Variants in COQ8A observed in about 807,000 individuals in gnomAD.
The protein encoded by COQ8A is atypical kinase COQ8A, mitochondrial.
COQ8A carries 51 observed loss-of-function variants against 65.0 expected under a neutral mutation model. The ratio of observed to expected loss-of-function variants is 0.78; its 90% CI spans 0.63 to 0.99. The LOEUF (loss-of-function observed/expected upper bound fraction) is 0.99, where lower values mean the gene tolerates loss of function less well. Ranked by LOEUF, COQ8A falls within the 50% of genes least tolerant of loss-of-function variation. COQ8A has a pLI of 0.00. For missense variants in COQ8A, 940 were observed against 875.0 expected, an observed-to-expected ratio of 1.07 and a Z score of -0.94; for synonymous variants, 371 against 353.2, an observed-to-expected ratio of 1.05 and a Z score of -0.57.
At chr1:226,944,486 G>T (rs528823752) in intron 1 of COQ8A, among the ~76,000 whole-genome samples, 214 of 152,114 alleles carry the variant, frequency 1.4e-3, no homozygotes, top group South Asian at 2.5e-3. Flanking sequence ...GGGATGGTCA[G>T]TGTGGGAGGA....
In COQ8A at chr1:226,947,683, C is replaced by T. The variant is rs1461259532; in HGVS notation, c.-10+7284C>T. ...AATTAGCCAGGTGTGGTGGTACCCA[C>T]CTGTAGTCCTAGCTACTCAGGATAA... On this transcript the variant is annotated intron_variant, in intron 1 of 14. Coordinates refer to ENST00000366777, the MANE Select transcript of COQ8A (RefSeq NM_020247.5). Among the ~76,000 whole-genome samples the T allele has an allele frequency of 2.0e-5, 3 of 152,004 alleles. 1 individual carries two copies. The highest frequency in any genetic ancestry group is 4.2e-4 in the South Asian group (2 of 4,808).
rs1463414321 is a variant in COQ8A at position 226,940,797 on chromosome 1, C to T, written c.-10+398C>T. Among the ~76,000 whole-genome samples the T allele has an allele frequency of 2.0e-5, 3 of 152,208 alleles. No homozygotes were observed. In the East Asian group the frequency reaches 5.8e-4, roughly 29 times the overall value. On this transcript the variant is annotated intron_variant, in intron 1 of 14. Transcript: ENST00000366777. ...CTTTCTAATAATGTTGTTCTTCACT[C>T]CCAGACCCCCTTGCACTGTGTGTCT...
chr1:226,943,040 G>A (rs1466446866), intron 1 of COQ8A, among the ~76,000 whole-genome samples: 2 of 152,146 alleles, frequency 1.3e-5, no homozygotes, highest in Admixed American at 6.5e-5. Context: ...TTGATCCTGT[G>A]GGGATGTATC....
Position 226,946,468 on chromosome 1 carries a change from C to T in COQ8A, c.-10+6069C>T, listed in dbSNP as rs966561541. Among the ~76,000 whole-genome samples the T allele has an allele frequency of 2.0e-5, 3 of 152,138 alleles. No individual in the cohort carries two copies. Among genetic ancestry groups the T allele is most frequent in the Non-Finnish European group, 4.4e-5 (3 of 68,028 alleles). ...AGGCATCTAGCGAGAGGTATCGCTG[C>T]AGAGGTGTCTGGGGCTCCACAGTGA... is the stretch of plus-strand genomic sequence containing the variant. On this transcript the variant is annotated intron_variant, in intron 1 of 14. Transcript: ENST00000366777. This position sits in a 1 kb window ranked among gnomAD's most constrained non-coding sequence, Gnocchi z 5.3.
At chr1:226,975,847 T>A (rs1166678494) in intron 4 of COQ8A, among the ~76,000 whole-genome samples, 5 of 152,368 alleles carry the variant, frequency 3.3e-5, no homozygotes, top group South Asian at 2.1e-4. Flanking sequence ...AACATTTTTT[T>A]AAAAATTGAG....
intron 14 of COQ8A, among the ~76,000 whole-genome samples, chr1:226,985,701 G>A (rs1445947961): frequency 6.6e-6 from 1 of 152,192 alleles, no homozygotes. Flanking sequence ...AGAAACCTTA[G>A]AAGCCTTTTA....
chr1:226,967,922 G>A (rs1163065642), intron 4 of COQ8A, among the ~76,000 whole-genome samples: 1 of 152,254 alleles, frequency 6.6e-6, no homozygotes, highest in Non-Finnish European at 1.5e-5. Context: ...GAGAAGCCAG[G>A]TCAGGAAAGA....
At chr1:226,952,054 A>AT (rs1163109399) in intron 1 of COQ8A, among the ~76,000 whole-genome samples, 1 of 152,142 alleles carries the variant, frequency 6.6e-6, no homozygotes, top group East Asian at 1.9e-4. Context: ...GGGGGTAAGC[A>AT]CCCTTTCATT....
At chr1:226,968,940 T>C (rs1193600377) in intron 4 of COQ8A, among the ~76,000 whole-genome samples, 2 of 152,236 alleles carry the variant, frequency 1.3e-5, no homozygotes, top group African/African-American at 2.4e-5. Flanking sequence ...AACTGAACTT[T>C]AGTTCATCAT....
rs936422538 is a variant in COQ8A, at chr1:226,982,459, T to TA, written c.854-214dup. 3.2e-5 allele frequency: 21 copies of TA among 656,620 alleles called. No individual in the cohort carries two copies. The African/African-American group carries it at 3.8e-4, about 12-fold the overall frequency. 40.7% of individuals were successfully genotyped at this position (656,620 alleles called of 1,614,324 possible). ...TATGAAAAACTCTGCATGTTGAGTG[T>TA]AAAAAGCCCACCTTCTCAGGTCACT... On this transcript the variant is annotated intron_variant, in intron 6 of 14. Coordinates refer to ENST00000366777, the MANE Select transcript of COQ8A (RefSeq NM_020247.5).
At chr1:226,960,631 G>GTGCT (rs1658190507) in intron 1 of COQ8A, among the ~76,000 whole-genome samples, 1 of 139,368 alleles carries the variant, frequency 7.2e-6, no homozygotes, top group Non-Finnish European at 1.6e-5. Flanking sequence ...GGTGGTGGTG[G>GTGCT]TGGTGGTGGT....
At chr1:226,953,790 G>A (rs1657527094) in intron 1 of COQ8A, among the ~76,000 whole-genome samples, 1 of 152,192 alleles carries the variant, frequency 6.6e-6, no homozygotes, top group Admixed American at 6.5e-5. Flanking sequence ...GCCGGGAGTT[G>A]CCCGAGATGT....
rs1384015012 is a variant in COQ8A at position 226,972,717 on chromosome 1, T to C, written c.656-4732T>C. ...CCCCCAAACTTTTGTGTCCCTCATCTCAGTGGTAAAATTTAAAACAAACAT... is the reference window on the plus strand; with the variant it reads ...CCCCCAAACTTTTGTGTCCCTCATCCCAGTGGTAAAATTTAAAACAAACAT... On this transcript the variant is annotated intron_variant, in intron 4 of 14. Coordinates refer to ENST00000366777, the MANE Select transcript of COQ8A (RefSeq NM_020247.5). This position sits in a 1 kb window ranked among gnomAD's most constrained non-coding sequence, Gnocchi z 4.3. Among the ~76,000 whole-genome samples, 1 of 152,192 alleles carries C rather than the reference T, an allele frequency of 6.6e-6. No individual in the cohort carries two copies. Among genetic ancestry groups the C allele is most frequent in the Non-Finnish European group, 1.5e-5 (1 of 68,034 alleles).
rs776316274 is a variant in COQ8A at position 226,984,047 on chromosome 1, G to A, written c.1257-47G>A. 124 of 1,608,854 alleles carry A rather than the reference G, an allele frequency of 7.7e-5. No individual in the cohort carries two copies. The East Asian group carries it at 1.4e-3, about 19-fold the overall frequency. ...GGGGGGTGTGTGTGGGGGGGGGGAC[G>A]GTGTGGAGGGCCTGTGGCTAGGGCG... On this transcript the variant is annotated intron_variant, in intron 10 of 14. Coordinates refer to ENST00000366777, the MANE Select transcript of COQ8A (RefSeq NM_020247.5).
chr1:226,986,770 G>T lies in COQ8A; in HGVS notation c.*33G>T. ...GGCCACGCCCAGGCCGGCTCCGCGG[G>T]AACTCTCTCCCTCAGACAGGCCAAA... is the stretch of plus-strand genomic sequence containing the variant. On this transcript the variant is annotated 3_prime_UTR_variant, in exon 15 of 15. Transcript: ENST00000366777. 2 of 1,602,902 alleles carry T rather than the reference G, an allele frequency of 1.2e-6. No individual in the cohort carries two copies. Among genetic ancestry groups the T allele is most frequent in the South Asian group, 1.1e-5 (1 of 90,292 alleles).
intron 5 of COQ8A, among the ~76,000 whole-genome samples, chr1:226,978,910 C>T (rs1659517009): frequency 7.9e-6 from 1 of 125,948 alleles, no homozygotes; most frequent in Non-Finnish European, 1.9e-5. Context: ...GAACACTGCA[C>T]CTCCTTACCC....
At chr1:226,982,830 T>C in intron 7 of COQ8A, 64 bp from the exon 8 acceptor site, 1 of 1,612,750 alleles carries the variant, frequency 6.2e-7, no homozygotes, top group Non-Finnish European at 8.5e-7. Context: ...GGGACAGACT[T>C]GGGGCTTCTC....
intron 5 of COQ8A, among the ~76,000 whole-genome samples, chr1:226,978,491 TACACATCCTCC>T (rs1659433782): frequency 7.8e-6 from 1 of 127,590 alleles, no homozygotes; most frequent in African/African-American, 3.1e-5. Flanking sequence ...CACACCTCCT[TACACATCCTCC>T]ACACACCCAC....
At position 226,986,906 on chromosome 1, in the gene COQ8A, G is replaced by A; in HGVS notation, c.*169G>A. 1.3e-6 allele frequency: 1 copy of A among 796,012 alleles called. No homozygotes were observed. 49.3% of individuals were successfully genotyped at this position (796,012 alleles called of 1,614,324 possible). Reference sequence around the variant, plus strand: ...TTTCCACGGTTTCTGTTGCTAAATGGTTGTAGGGTGAGAAGTGCAAGAATG... The same window carrying A: ...TTTCCACGGTTTCTGTTGCTAAATGATTGTAGGGTGAGAAGTGCAAGAATG... On this transcript the variant is annotated 3_prime_UTR_variant, in exon 15 of 15. Coordinates refer to ENST00000366777, the MANE Select transcript of COQ8A (RefSeq NM_020247.5).
Sources: gnomAD v4.1 joint callset for allele counts (sites outside exome capture counted in the v4.1 genomes callset) on GRCh38, gnomAD v4.1.1 for gene constraint, Gnocchi (gnomAD v3.1) non-coding constraint, MANE v1.5 for transcripts, NCBI Gene and HGNC (gene_info 2026-07-23, HGNC 2026-07-21) for gene names.